The following SCN10A variants were observed in gnomAD, a reference collection of about 807,000 sequenced individuals.
SCN10A encodes sodium voltage-gated channel alpha subunit 10, also known as sodium channel protein type 10 subunit alpha.
In SCN10A, 162 loss-of-function variants were observed where a neutral mutation model predicts 170.7. The ratio of observed to expected loss-of-function variants is 0.95; its 90% CI spans 0.84 to 1.08. The LOEUF (loss-of-function observed/expected upper bound fraction) is 1.08, where lower values mean the gene tolerates loss of function less well. Ranked by LOEUF, SCN10A falls within the 50% of genes least tolerant of loss-of-function variation. The pLI is 0.00. For missense variants in SCN10A, 2,527 were observed against 2,436.9 expected (o/e 1.04, Z -0.78); for synonymous variants, 985 against 904.6 (o/e 1.09, Z -1.59).
At chr3:38,722,124 TCTC>T in intron 20 of SCN10A, 131 bp downstream of exon 20, 1 of 865,122 alleles carries the variant, frequency 1.2e-6, no homozygotes, top group Non-Finnish European at 1.7e-6. Context: ...GGGCTGCAGC[TCTC>T]CTTCTAGTGA....
Position 38,718,742 on chromosome 3 carries a change from C to A in SCN10A, c.3592G>T (p.Val1198Leu), listed in dbSNP as rs779913231. ...YTDRVFTFIFVFEMLLKWVAY... is the reference protein window; with the variant it reads ...YTDRVFTFIFLFEMLLKWVAY... The stretch of plus-strand genomic sequence containing the variant: ...ACCCACTTAAGCAGCATCTCGAACA[C>A]AAAGATAAAGGTGAAGACCCTGTCA... The change falls in exon 21 of 28, where the codon GTG (valine) becomes TTG (leucine). Residue 1198 changes from valine to leucine, a missense_variant. Val to Leu is a conservative substitution (Grantham distance 32). Coordinates refer to ENST00000449082, the MANE Select transcript of SCN10A (RefSeq NM_006514.4). The A allele has an allele frequency of 2.5e-6, 4 of 1,614,226 alleles. No individual in the cohort carries two copies. The highest frequency in any genetic ancestry group is 1.1e-5 in the South Asian group (1 of 91,084).
Position 38,710,732 on chromosome 3 carries a change from G to A in SCN10A, c.4143+112C>T. The A allele has an allele frequency of 6.0e-6, 6 of 1,006,298 alleles. No homozygotes were observed. The South Asian group carries it at 9.1e-5, about 15-fold the overall frequency. The allele number at this position is 1,006,298 out of a possible 1,614,324, so 62.3% of individuals were successfully genotyped here. ...CAAGGAGGGACAGTGTGAGGTTGCT[G>A]GGTGATCGCCTCTTCCAGTACCAGG... On this transcript the variant is annotated intron_variant, in intron 24 of 27. Transcript: ENST00000449082.
chr3:38,776,421 C>T (rs938301860), intron 4 of SCN10A, among the ~76,000 whole-genome samples: 3 of 151,870 alleles, frequency 2.0e-5, no homozygotes, highest in African/African-American at 4.8e-5. Flanking sequence ...TTATGCAAAG[C>T]GACAGTAATA....
In SCN10A at chr3:38,794,014, C is replaced by A. The variant is rs1388424408; in HGVS notation, c.-4G>T. 6.2e-7 allele frequency: 1 copy of A among 1,613,270 alleles called. No individual in the cohort carries two copies. Among genetic ancestry groups the A allele is most frequent in the Non-Finnish European group, 8.5e-7 (1 of 1,179,512 alleles). On this transcript the variant is annotated 5_prime_UTR_variant, in exon 2 of 28. Coordinates refer to ENST00000449082, the MANE Select transcript of SCN10A (RefSeq NM_006514.4). ...GGGATCCAATGGGGAATTCCATCTT[C>A]TCATTCTTCTTCAGGAAGTATTTAT... is the stretch of plus-strand genomic sequence containing the variant.
In SCN10A at chr3:38,712,341, G is replaced by A. The variant is rs928284057; in HGVS notation, c.3909C>T (p.Phe1303=). 46 of 1,614,018 alleles carry A rather than the reference G, an allele frequency of 2.9e-5. No individual in the cohort carries two copies. The highest frequency in any genetic ancestry group is 4.5e-5 in the East Asian group (2 of 44,894). ...TGATGCACCTCCAAAACTTCCCTGC[G>A]AAGAGGTTCACACCCATGATGCTGA... The part of the protein sequence containing the change: ...LIFSIMGVNL[F]AGKFWRCINY... Residue 1303 remains phenylalanine, a synonymous_variant, in exon 23 of 28, where the codon TTC becomes TTT. Transcript: ENST00000449082.
chr3:38,763,617 C>T (rs772012841), intron 5 of SCN10A, 21 bp from the exon 6 acceptor site: 2 of 1,589,394 alleles, frequency 1.3e-6, no homozygotes, highest in South Asian at 1.1e-5. Flanking sequence ...AGAAGTTAGT[C>T]AGCATCTCTG....
chr3:38,746,496 G>C (rs956367832), intron 13 of SCN10A, among the ~76,000 whole-genome samples: 1 of 151,904 alleles, frequency 6.6e-6, no homozygotes, highest in Non-Finnish European at 1.5e-5. Context: ...CAAGTATCCA[G>C]AGTAACTTTT....
At chr3:38,780,680 GTTTAT>G (rs1246150947) in intron 4 of SCN10A, among the ~76,000 whole-genome samples, 1 of 151,662 alleles carries the variant, frequency 6.6e-6, no homozygotes, top group African/African-American at 2.4e-5. Context: ...ATTACTTGCT[GTTTAT>G]TTTATATTTA....
chr3:38,744,257 GA>G (rs1431339354), intron 13 of SCN10A, among the ~76,000 whole-genome samples: 2 of 152,158 alleles, frequency 1.3e-5, no homozygotes, highest in Non-Finnish European at 2.9e-5. Flanking sequence ...TGGGGAGCAG[GA>G]AGGGTCTATA....
At chr3:38,800,622 G>A (rs529371059) in intron 1 of SCN10A, among the ~76,000 whole-genome samples, 102 of 152,114 alleles carry the variant, frequency 6.7e-4, no homozygotes, top group East Asian at 3.5e-3. Context: ...ATTCTTATTC[G>A]TTCTAGGAAA....
At chr3:38,750,437 C>T (rs983081754) in intron 12 of SCN10A, among the ~76,000 whole-genome samples, 3 of 152,160 alleles carry the variant, frequency 2.0e-5, no homozygotes, top group Non-Finnish European at 4.4e-5. Flanking sequence ...TCCTAGGCTA[C>T]AAATCTGTAC....
intron 15 of SCN10A, among the ~76,000 whole-genome samples, chr3:38,730,572 T>C (rs770839574): frequency 1.1e-4 from 17 of 152,178 alleles, no homozygotes; most frequent in Admixed American, 7.2e-4. Flanking sequence ...ATGATAGAAT[T>C]ATTAGTCAGA....
intron 3 of SCN10A, among the ~76,000 whole-genome samples, chr3:38,790,034 G>A (rs1342347759): frequency 6.6e-6 from 1 of 152,026 alleles, no homozygotes; most frequent in African/African-American, 2.4e-5. Flanking sequence ...TAGTTTTACA[G>A]TTACTTAGGA....
intron 8 of SCN10A, among the ~76,000 whole-genome samples, chr3:38,757,719 C>T (rs911094136): frequency 6.6e-6 from 1 of 152,178 alleles, no homozygotes; most frequent in Non-Finnish European, 1.5e-5. Context: ...TTGCCTAAAA[C>T]TACGCAGGTG....
chr3:38,717,107 G>T (rs140490223), intron 21 of SCN10A, among the ~76,000 whole-genome samples: 6 of 152,232 alleles, frequency 3.9e-5, no homozygotes, highest in African/African-American at 1.4e-4. Context: ...AAGATATAAG[G>T]GTTAAGGATG....
intron 15 of SCN10A, among the ~76,000 whole-genome samples, chr3:38,730,122 C>T (rs1303669552): frequency 1.3e-5 from 2 of 152,144 alleles, no homozygotes; most frequent in East Asian, 1.9e-4. Context: ...AGGTTGTAAG[C>T]CTAGCAGGAA....
intron 27 of SCN10A, among the ~76,000 whole-genome samples, chr3:38,698,770 C>G (rs1232395450): frequency 6.6e-6 from 1 of 152,154 alleles, no homozygotes; most frequent in Non-Finnish European, 1.5e-5. Context: ...TCTTCCTCCT[C>G]CGTCTTACCC....
intron 5 of SCN10A, among the ~76,000 whole-genome samples, chr3:38,771,001 A>T (rs966617694): frequency 2.0e-5 from 3 of 152,088 alleles, no homozygotes; most frequent in Admixed American, 1.3e-4. Flanking sequence ...CCCAGTTGGG[A>T]TGTATGTTTG....
chr3:38,713,930 A>G (rs1249965378), intron 22 of SCN10A, 28 bp downstream of exon 22: 2 of 1,611,788 alleles, frequency 1.2e-6, no homozygotes. Context: ...GCCTGGCCAG[A>G]TGAGAGAAGT....
Sources: allele counts gnomAD v4.1 joint callset (sites outside exome capture counted in the v4.1 genomes callset), GRCh38; gene constraint gnomAD v4.1.1; transcripts MANE v1.5; gene names NCBI Gene and HGNC (gene_info 2026-07-23, HGNC 2026-07-21).